Variants in NRL observed in about 807,000 individuals in gnomAD.
NRL encodes the protein neural retina leucine zipper.
Under a neutral mutation model 12.5 loss-of-function variants are expected in NRL, and 16 were observed. That is an observed-to-expected ratio of 1.28 (90% CI 0.87 to 1.95). The LOEUF (loss-of-function observed/expected upper bound fraction) is 1.95. Among genes scored for constraint, NRL ranks in the 30% most tolerant of loss-of-function variants. The pLI, the probability that NRL is intolerant of heterozygous loss-of-function variation, is 0.00. For synonymous variants in NRL, 142 were observed against 150.9 expected (o/e 0.94, Z 0.43); for missense variants, 314 against 325.8 (o/e 0.96, Z 0.28).
At chr14:24,097,422 A>T (rs1229946081) in intron 1 of NRL, among the ~76,000 whole-genome samples, 2 of 150,934 alleles carry the variant, frequency 1.3e-5, no homozygotes, top group East Asian at 3.9e-4. Flanking sequence ...AAATTAGCCC[A>T]GCATGGCAGC....
Position 24,079,309 on chromosome 14 carries a change from G to A in NRL, c.*1927C>T, listed in dbSNP as rs2036208491. On this transcript the variant is annotated 3_prime_UTR_variant, in exon 3 of 3. Transcript: ENST00000561028. ...TGAATTACAGCTCCAGGGCAGGCAA[G>A]GATAGACACAGGTGAAATTTAGAGT... Among the ~76,000 whole-genome samples, 1 of 152,210 alleles carries A rather than the reference G, an allele frequency of 6.6e-6. No homozygotes were observed. Among genetic ancestry groups the A allele is most frequent in the African/African-American group, 2.4e-5 (1 of 41,440 alleles).
At chr14:24,086,920 A>C (rs554307437) in intron 1 of NRL, among the ~76,000 whole-genome samples, 1 of 152,238 alleles carries the variant, frequency 6.6e-6, no homozygotes, top group Non-Finnish European at 1.5e-5. Context: ...CCAAGGGCAC[A>C]GAGAGGAGAG....
intron 1 of NRL, among the ~76,000 whole-genome samples, chr14:24,088,647 T>C (rs536407237): frequency 9.2e-5 from 14 of 152,054 alleles, no homozygotes; most frequent in Admixed American, 2.6e-4. Flanking sequence ...TTAGCCTGAA[T>C]TATACTTTTT....
chr14:24,104,701 C>T (rs1446069705), intron 1 of NRL, among the ~76,000 whole-genome samples: 1 of 151,792 alleles, frequency 6.6e-6, no homozygotes, highest in East Asian at 1.9e-4. Context: ...GCAAGCTGCT[C>T]AGTACAGCCC....
intron 1 of NRL, chr14:24,110,353 C>T: frequency 2.6e-6 from 1 of 388,620 alleles, no homozygotes; most frequent in Non-Finnish European, 5.3e-6. Context: ...AAGCGAGCTG[C>T]CCGCCTCAGC....
rs147393069 is a variant in NRL at position 24,103,634 on chromosome 14, T to C, written c.-28+11088A>G. On this transcript the variant is annotated intron_variant, in intron 1 of 2. Transcript: ENST00000561028. ...GGGCCCAGCTGCCCCGTATCTTCCA[T>C]GTCAACTGGTTCCGGCGTGACGAGG... 18 of 1,613,998 alleles carry C rather than the reference T, an allele frequency of 1.1e-5. No homozygotes were observed. The Admixed American group carries it at 1.8e-4, about 16-fold the overall frequency.
chr14:24,103,465 C>T (rs1006455583), intron 1 of NRL: 37 of 1,479,754 alleles, frequency 2.5e-5, no homozygotes, highest in Non-Finnish European at 3.2e-5. Flanking sequence ...CCTTCCCTAC[C>T]CCAGTGAGAA....
At chr14:24,104,097 C>G in intron 1 of NRL, 1 of 643,800 alleles carries the variant, frequency 1.6e-6, no homozygotes, top group Middle Eastern at 2.6e-4. Flanking sequence ...CAAAGACTGT[C>G]CAATAATAAG....
At chr14:24,088,295 A>T (rs945438993) in intron 1 of NRL, among the ~76,000 whole-genome samples, 2 of 152,264 alleles carry the variant, frequency 1.3e-5, no homozygotes, top group African/African-American at 4.8e-5. Flanking sequence ...CGGCTGGGCC[A>T]CATGACTGGT....
chr14:24,110,731 T>C (rs1312625040), intron 1 of NRL: 1 of 152,294 alleles, frequency 6.6e-6, no homozygotes, highest in Non-Finnish European at 1.5e-5. Flanking sequence ...ATGTAGAACA[T>C]AAATTTTTAT....
chr14:24,101,879 C>T (rs760417656), intron 1 of NRL, among the ~76,000 whole-genome samples: 49 of 152,202 alleles, frequency 3.2e-4, no homozygotes, highest in Non-Finnish European at 6.8e-4. Flanking sequence ...CATGCCACTG[C>T]ACTCCAGCCT....
At position 24,100,308 on chromosome 14, in the gene NRL, C is replaced by T. The variant is rs965719628; in HGVS notation, c.-28+14414G>A. On this transcript the variant is annotated intron_variant, in intron 1 of 2. Coordinates refer to ENST00000561028, the MANE Select transcript of NRL (RefSeq NM_001354768.3). ...CACAACCTCCAACCATCTTCTAGGA[C>T]TGCCAGGAGGCACAGAAGTCATGAA... The T allele has an allele frequency of 5.2e-6, 8 of 1,539,962 alleles. No individual in the cohort carries two copies. In the African/African-American group the frequency reaches 9.7e-5, roughly 19 times the overall value.
In NRL at chr14:24,081,168, G is replaced by C. The variant is rs548894842; in HGVS notation, c.*68C>G. 3 of 1,162,500 alleles carry C rather than the reference G, an allele frequency of 2.6e-6. No individual in the cohort carries two copies. Among genetic ancestry groups the C allele is most frequent in the African/African-American group, 1.6e-5 (1 of 62,358 alleles). 72.0% of individuals were successfully genotyped at this position (1,162,500 alleles called of 1,614,324 possible). On this transcript the variant is annotated 3_prime_UTR_variant, in exon 3 of 3. Transcript: ENST00000561028. The surrounding 1 kb of genome is among the most constrained non-coding windows in gnomAD (Gnocchi z 4.4). ...CGCTCTGGTAACGATGCAGAGAACC[G>C]TGCAGCCGCCTCCTGGGCGGAGCCA...
intron 1 of NRL, chr14:24,098,521 C>A: frequency 6.2e-7 from 1 of 1,614,168 alleles, no homozygotes; most frequent in East Asian, 2.2e-5. Context: ...CTGTGGGCTC[C>A]CCGCTGTCCC....
chr14:24,090,173 A>G (rs928572166), intron 1 of NRL, among the ~76,000 whole-genome samples: 7 of 149,744 alleles, frequency 4.7e-5, no homozygotes, highest in African/African-American at 1.5e-4. Context: ...GAGTCAGATT[A>G]GAGGACTAAT....
chr14:24,081,113 G>T lies in NRL; in HGVS notation c.*123C>A. 1 of 590,520 alleles carries T rather than the reference G, an allele frequency of 1.7e-6. No individual in the cohort carries two copies. Among genetic ancestry groups the T allele is most frequent in the Non-Finnish European group, 2.5e-6 (1 of 393,490 alleles). The allele number at this position is 590,520 out of a possible 1,614,324, so 36.6% of individuals were successfully genotyped here. On this transcript the variant is annotated 3_prime_UTR_variant, in exon 3 of 3. Coordinates refer to ENST00000561028, the MANE Select transcript of NRL (RefSeq NM_001354768.3). The surrounding 1 kb of genome is among the most constrained non-coding windows in gnomAD (Gnocchi z 4.4). ...CAAAAGCTTTGGGGATATTTGCGCG[G>T]TCATACAGGGCGTGGCTAGGACCAG...
At chr14:24,098,106 C>G (rs2036974914) in intron 1 of NRL, 1 of 993,116 alleles carries the variant, frequency 1.0e-6, no homozygotes, top group South Asian at 1.7e-5. Context: ...ATAAGGCCAA[C>G]AGAAGACCTG....
rs2036253838 is a variant in NRL, at chr14:24,080,684, T to A, written c.*552A>T. ...CCCCAGAGCTCACTCTTCAGGCCTT[T>A]GCTGCTCTGAGCCCTGAAGGCCACA... On this transcript the variant is annotated 3_prime_UTR_variant, in exon 3 of 3. Coordinates refer to ENST00000561028, the MANE Select transcript of NRL (RefSeq NM_001354768.3). 1 of 152,556 alleles carries A rather than the reference T, an allele frequency of 6.6e-6. No homozygotes were observed. The highest frequency in any genetic ancestry group is 2.1e-4 in the South Asian group (1 of 4,826). 9.5% of individuals were successfully genotyped at this position (152,556 alleles called of 1,614,324 possible). A position where few individuals can be genotyped will look rare whatever the true frequency, so the allele number is the denominator to read the frequency against.
Position 24,102,668 on chromosome 14 carries a change from C to A in NRL, c.-28+12054G>T. ...TGATGAGGCAAAAAAAAAAAAAGAA[C>A]CCTGCAAGAATGTGTGCCCATGTAT... On this transcript the variant is annotated intron_variant, in intron 1 of 2. Transcript: ENST00000561028. 4 of 1,154,560 alleles carry A rather than the reference C, an allele frequency of 3.5e-6. No individual in the cohort carries two copies. The South Asian group carries it at 4.5e-5, about 13-fold the overall frequency. 71.5% of individuals were successfully genotyped at this position (1,154,560 alleles called of 1,614,324 possible).
Sources: gnomAD v4.1 joint callset for allele counts (sites outside exome capture counted in the v4.1 genomes callset) on GRCh38, gnomAD v4.1.1 for gene constraint, Gnocchi (gnomAD v3.1) non-coding constraint, MANE v1.5 for transcripts, NCBI Gene and HGNC (gene_info 2026-07-23, HGNC 2026-07-21) for gene names.